The following TRHDE variants were observed in gnomAD, a reference collection of about 807,000 sequenced individuals.
TRHDE encodes the protein thyrotropin-releasing hormone-degrading ectoenzyme.
TRHDE carries 72 observed loss-of-function variants against 125.7 expected under a neutral mutation model. The observed-to-expected ratio is 0.57, with a 90% confidence interval of 0.47 to 0.70. The LOEUF is 0.70. Ranked by LOEUF, TRHDE falls within the 30% of genes least tolerant of loss-of-function variation. The probability of loss-of-function intolerance (pLI) is 0.00; values close to 1 mark genes in which losing one functional copy is unlikely to be tolerated. For missense variants in TRHDE, 1,110 were observed against 1,327.1 expected, an observed-to-expected ratio of 0.84 and a Z score of 2.54; for synonymous variants, 509 against 509.1, an observed-to-expected ratio of 1.00 and a Z score of 0.00.
intron 3 of TRHDE, among the ~76,000 whole-genome samples, chr12:72,458,191 T>C (rs1875953050): frequency 1.3e-5 from 2 of 152,322 alleles, no homozygotes; most frequent in South Asian, 4.1e-4. Context: ...TTGGGAAACC[T>C]GCTGAAAACA....
chr12:72,283,977 C>CT (rs1382984352), intron 1 of TRHDE, among the ~76,000 whole-genome samples: 1 of 81,902 alleles, frequency 1.2e-5, no homozygotes, highest in Non-Finnish European at 2.9e-5. Flanking sequence ...TTGGTTATAT[C>CT]TTAAAAAAAA....
chr12:72,434,794 C>T (rs969199394), intron 3 of TRHDE, among the ~76,000 whole-genome samples: 2 of 152,172 alleles, frequency 1.3e-5, no homozygotes, highest in African/African-American at 2.4e-5. Context: ...TCTCTGTCCA[C>T]TCCCAACACT....
chr12:72,318,264 A>C (rs982580122), intron 2 of TRHDE, among the ~76,000 whole-genome samples: 2 of 152,162 alleles, frequency 1.3e-5, no homozygotes, highest in Non-Finnish European at 2.9e-5. Context: ...ATGAGGGTAC[A>C]TTCTAGATAA....
At chr12:72,185,911 G>A (rs2139344886) in intron 2 of TRHDE, among the ~76,000 whole-genome samples, 2 of 152,292 alleles carry the variant, frequency 1.3e-5, no homozygotes, top group East Asian at 3.9e-4. Context: ...GAACCTGTGT[G>A]TGGAAACTCT....
chr12:72,244,502 G>A (rs1457832145), intron 2 of TRHDE, among the ~76,000 whole-genome samples: 1 of 151,806 alleles, frequency 6.6e-6, no homozygotes, highest in African/African-American at 2.4e-5. Context: ...TTCAATAAGA[G>A]ACAAATTCCC....
intron 3 of TRHDE, among the ~76,000 whole-genome samples, chr12:72,425,646 C>A (rs1164558590): frequency 6.6e-6 from 1 of 152,060 alleles, no homozygotes; most frequent in Non-Finnish European, 1.5e-5. Context: ...TCTAAGTAAC[C>A]ATTTATTTAA....
In TRHDE at chr12:72,670,508, C is replaced by T. The variant is rs1592605557; in HGVS notation, c.*7313C>T. The T allele has an allele frequency of 6.6e-6, 1 of 151,480 alleles. No homozygotes were observed. The highest frequency in any genetic ancestry group is 1.9e-4 in the East Asian group (1 of 5,140). 9.4% of individuals were successfully genotyped at this position (151,480 alleles called of 1,614,324 possible). ...TAAAAAGTTTTAATTTTCTGACATG[C>T]AGATAAGGCCAAAATAAATAATACC... On this transcript the variant is annotated 3_prime_UTR_variant, in exon 19 of 19. Coordinates refer to ENST00000261180, the MANE Select transcript of TRHDE (RefSeq NM_013381.3).
intron 6 of TRHDE, among the ~76,000 whole-genome samples, chr12:72,542,041 G>T (rs890957003): frequency 5.3e-5 from 8 of 151,248 alleles, no homozygotes; most frequent in Non-Finnish European, 7.4e-5. Flanking sequence ...GCTTATCATT[G>T]CCCTGAGATA....
intron 7 of TRHDE, among the ~76,000 whole-genome samples, chr12:72,550,040 G>A (rs573478342): frequency 6.6e-6 from 1 of 151,820 alleles, no homozygotes; most frequent in Non-Finnish European, 1.5e-5. Context: ...ATATTTATTG[G>A]TTATCTTTTA....
chr12:72,512,620 CAT>C (rs1389818506), intron 6 of TRHDE, among the ~76,000 whole-genome samples: 2 of 135,622 alleles, frequency 1.5e-5, no homozygotes, highest in Non-Finnish European at 3.1e-5. Context: ...TATATATAAT[CAT>C]ATATATCATA....
intron 12 of TRHDE, among the ~76,000 whole-genome samples, chr12:72,594,364 C>T (rs1274854620): frequency 6.6e-6 from 1 of 151,738 alleles, no homozygotes; most frequent in East Asian, 2.0e-4. Flanking sequence ...CGAGAAACCC[C>T]GTCTCCACCA....
At chr12:72,609,788 C>A (rs1872570145) in intron 12 of TRHDE, among the ~76,000 whole-genome samples, 1 of 152,124 alleles carries the variant, frequency 6.6e-6, no homozygotes, top group Non-Finnish European at 1.5e-5. Context: ...CAAAAATCAG[C>A]CATATAGGAA....
intron 5 of TRHDE, among the ~76,000 whole-genome samples, chr12:72,487,881 CTG>C (rs750985379): frequency 3.9e-5 from 6 of 152,010 alleles, no homozygotes; most frequent in Non-Finnish European, 8.8e-5. Flanking sequence ...AAAACCTAAA[CTG>C]TGGAGGGAGA....
At chr12:72,634,372 A>C (rs1873627894) in intron 15 of TRHDE, among the ~76,000 whole-genome samples, 1 of 151,878 alleles carries the variant, frequency 6.6e-6, no homozygotes, top group African/African-American at 2.4e-5. Flanking sequence ...CTATCCCCAT[A>C]GAGGTAAGGG....
chr12:72,272,222 A>G (rs1879247140), upstream of TRHDE: 3 of 413,616 alleles, frequency 7.3e-6, no homozygotes, highest in Non-Finnish European at 1.5e-5. This position sits in a 1 kb window ranked among gnomAD's most constrained non-coding sequence, Gnocchi z 6.7. Flanking sequence ...CGCTCTTCCC[A>G]CCGCTCCCGT....
At chr12:72,380,726 CCTTCCTTG>C (rs1185860510) in intron 3 of TRHDE, among the ~76,000 whole-genome samples, 9 of 109,548 alleles carry the variant, frequency 8.2e-5, no homozygotes, top group African/African-American at 3.8e-4. Flanking sequence ...TTCCTTCCTT[CCTTCCTTG>C]CTTCCTTCCT....
At position 72,122,217 on chromosome 12, in the gene TRHDE, G is replaced by C. The variant is rs1258912817; in HGVS notation, n.279+16465G>C. ...CCTGCAGACTTCAGGCCGAGCTCTGGAGGCAGAAGCAACAGCTTACCCAAT... is the reference window on the plus strand; with the variant it reads ...CCTGCAGACTTCAGGCCGAGCTCTGCAGGCAGAAGCAACAGCTTACCCAAT... On this transcript the variant is annotated intron_variant and non_coding_transcript_variant, in intron 2 of 4. Transcript: ENST00000548156. Among the ~76,000 whole-genome samples, 5 of 152,122 alleles carry C rather than the reference G, an allele frequency of 3.3e-5. No individual in the cohort carries two copies. In the East Asian group the frequency reaches 9.6e-4, roughly 29 times the overall value.
At chr12:72,501,730 T>C (rs1414309787) in intron 6 of TRHDE, among the ~76,000 whole-genome samples, 1 of 152,078 alleles carries the variant, frequency 6.6e-6, no homozygotes, top group Non-Finnish European at 1.5e-5. Context: ...TTTTCAACTT[T>C]CTCGGAGAAT....
chr12:72,156,007 G>T (rs186111471), intron 2 of TRHDE, among the ~76,000 whole-genome samples: 13 of 152,340 alleles, frequency 8.5e-5, no homozygotes, highest in African/African-American at 3.1e-4. Context: ...ATTCTACAGA[G>T]GCAGGCAGGC....
Sources: allele counts gnomAD v4.1 joint callset (sites outside exome capture counted in the v4.1 genomes callset), GRCh38; gene constraint gnomAD v4.1.1; non-coding constraint Gnocchi (gnomAD v3.1); transcripts MANE v1.5; gene names NCBI Gene and HGNC (gene_info 2026-07-23, HGNC 2026-07-21).